Variants in ESR2 observed in about 807,000 individuals in gnomAD.
ESR2 encodes estrogen receptor beta.
ESR2 carries 36 observed loss-of-function variants against 49.6 expected under a neutral mutation model. The observed-to-expected ratio is 0.73, with a 90% CI of 0.56 to 0.96. The LOEUF (loss-of-function observed/expected upper bound fraction) is 0.96. Ranked by LOEUF, ESR2 falls within the 40% of genes least tolerant of loss-of-function variation. The pLI, the probability that ESR2 is intolerant of heterozygous loss-of-function variation, is 0.00. For missense variants in ESR2, 714 were observed against 693.0 expected, an observed-to-expected ratio of 1.03 and a Z score of -0.34; for synonymous variants, 320 against 266.1, an observed-to-expected ratio of 1.20 and a Z score of -1.97.
At chr14:64,227,545 C>A (rs766292098), downstream of ESR2, 23 of 1,614,092 alleles carry the variant, frequency 1.4e-5, no homozygotes, top group Admixed American at 3.3e-5. Context: ...ACTGCTCCAT[C>A]GTTGCTTCAG....
intron 1 of ESR2, among the ~76,000 whole-genome samples, chr14:64,306,541 G>T (rs2077101870): frequency 6.7e-6 from 1 of 149,062 alleles, no homozygotes; most frequent in South Asian, 2.1e-4. Context: ...TGGATCTGTT[G>T]GGGTAATCAT....
chr14:64,287,585 T>A (rs2076803264), intron 1 of ESR2, among the ~76,000 whole-genome samples: 1 of 152,196 alleles, frequency 6.6e-6, no homozygotes, highest in Admixed American at 6.5e-5. Flanking sequence ...GTTAGGTACT[T>A]GGTAGCCAAT....
chr14:64,314,966 G>A (rs1255542388), intron 1 of ESR2, among the ~76,000 whole-genome samples: 1 of 151,416 alleles, frequency 6.6e-6, no homozygotes, highest in Non-Finnish European at 1.5e-5. Context: ...GAGAAGACTG[G>A]ATGGACGCGG....
intron 6 of ESR2, among the ~76,000 whole-genome samples, chr14:64,254,222 T>C (rs1363481242): frequency 1.3e-5 from 2 of 152,152 alleles, no homozygotes; most frequent in Non-Finnish European, 2.9e-5. Context: ...GCTAGGACAA[T>C]CCAGCAGAAG....
At chr14:64,311,819 A>G (rs1027236009) in intron 1 of ESR2, among the ~76,000 whole-genome samples, 2 of 152,022 alleles carry the variant, frequency 1.3e-5, no homozygotes, top group Admixed American at 6.6e-5. Flanking sequence ...TCTAAAAAAA[A>G]ACAAAAACAA....
At chr14:64,240,567 A>T (rs1022538122) in intron 7 of ESR2, among the ~76,000 whole-genome samples, 1 of 152,224 alleles carries the variant, frequency 6.6e-6, no homozygotes, top group African/African-American at 2.4e-5. Flanking sequence ...AATAACCTGC[A>T]CATATTTTGC....
chr14:64,227,902 C>A (rs989918199), downstream of ESR2: 3 of 1,597,600 alleles, frequency 1.9e-6, no homozygotes, highest in Admixed American at 3.3e-5. Context: ...AAGATAACTT[C>A]AAATGAATGA....
At chr14:64,338,613 CTG>C (rs1007353639), upstream of ESR2, 35 of 152,520 alleles carry the variant, frequency 2.3e-4, no homozygotes, top group African/African-American at 8.2e-4. Flanking sequence ...ACCCGCGAAA[CTG>C]TCCTCCCTCC....
At chr14:64,293,956 A>G (rs2076913589) in intron 1 of ESR2, 77 bp downstream of exon 1, 2 of 152,230 alleles carry the variant, frequency 1.3e-5, no homozygotes, top group Admixed American at 1.3e-4. Flanking sequence ...ATTGTTCTCA[A>G]CACGACTGGT....
At chr14:64,248,934 G>T (rs1310616084) in intron 7 of ESR2, among the ~76,000 whole-genome samples, 2 of 152,180 alleles carry the variant, frequency 1.3e-5, no homozygotes, top group African/African-American at 4.8e-5. Flanking sequence ...AGCCTGGGCA[G>T]CAGTTTCTAA....
At chr14:64,334,425 G>A (rs545903437) in intron 1 of ESR2, among the ~76,000 whole-genome samples, 1 of 152,266 alleles carries the variant, frequency 6.6e-6, no homozygotes, top group South Asian at 2.1e-4. Flanking sequence ...CTCACCAAAT[G>A]TGCCTTTCCA....
intron 7 of ESR2, among the ~76,000 whole-genome samples, chr14:64,237,430 C>T (rs148123733): frequency 4.6e-5 from 7 of 152,328 alleles, no homozygotes; most frequent in African/African-American, 1.7e-4. Flanking sequence ...TTCCTTTTAA[C>T]TACCCCGTAG....
chr14:64,296,656 G>C (rs1306402683), upstream of ESR2, among the ~76,000 whole-genome samples: 2 of 152,184 alleles, frequency 1.3e-5, no homozygotes, highest in Non-Finnish European at 2.9e-5. Flanking sequence ...GAACACTGCA[G>C]ACAAACTTCT....
At position 64,230,408 on chromosome 14, in the gene ESR2, G is replaced by T. The variant is rs2140591872; in HGVS notation, c.*2729C>A. ...ATATATGGATATATAATATGGCTCTGCCAAGTATTGGTAACTGATTTTTCT... is the reference window on the plus strand; with the variant it reads ...ATATATGGATATATAATATGGCTCTTCCAAGTATTGGTAACTGATTTTTCT... On this transcript the variant is annotated 3_prime_UTR_variant, in exon 9 of 9. Coordinates refer to ENST00000341099, the MANE Select transcript of ESR2 (RefSeq NM_001437.3). Among the ~76,000 whole-genome samples the T allele has an allele frequency of 6.6e-6, 1 of 152,160 alleles. No individual in the cohort carries two copies. Among genetic ancestry groups the T allele is most frequent in the African/African-American group, 2.4e-5 (1 of 41,512 alleles).
intron 6 of ESR2, among the ~76,000 whole-genome samples, chr14:64,252,317 A>G (rs2076005276): frequency 6.6e-6 from 1 of 152,110 alleles, no homozygotes; most frequent in Non-Finnish European, 1.5e-5. Context: ...CTCTAAAAAA[A>G]AAAAAACAAA....
chr14:64,227,793 A>C, downstream of ESR2: 2 of 1,548,864 alleles, frequency 1.3e-6, no homozygotes, highest in Non-Finnish European at 1.7e-6. Flanking sequence ...AGCTCAGTGT[A>C]TTCCCAAAAC....
intron 1 of ESR2, among the ~76,000 whole-genome samples, chr14:64,284,795 C>T (rs1446876725): frequency 6.6e-6 from 1 of 151,810 alleles, no homozygotes; most frequent in East Asian, 1.9e-4. Context: ...TTCCCAATGC[C>T]TTTTTTCCAC....
intron 1 of ESR2, among the ~76,000 whole-genome samples, chr14:64,334,946 C>A (rs2077510557): frequency 6.6e-6 from 1 of 152,192 alleles, no homozygotes; most frequent in Non-Finnish European, 1.5e-5. Context: ...CCACGCCCAG[C>A]CTGTTGTCTT....
chr14:64,276,205 T>C (rs1488505424), intron 3 of ESR2, among the ~76,000 whole-genome samples: 6 of 151,944 alleles, frequency 3.9e-5, no homozygotes, highest in Admixed American at 2.6e-4. Flanking sequence ...AAAATCAGAG[T>C]CAAGTGGAAA....
Sources: allele counts gnomAD v4.1 joint callset (sites outside exome capture counted in the v4.1 genomes callset), GRCh38; gene constraint gnomAD v4.1.1; transcripts MANE v1.5; gene names NCBI Gene and HGNC (gene_info 2026-07-23, HGNC 2026-07-21).